Variants in PPARGC1A observed in about 807,000 individuals in gnomAD.
PPARGC1A encodes PPARG coactivator 1 alpha.
PPARGC1A carries 25 observed loss-of-function variants against 88.7 expected under a neutral mutation model. The ratio of observed to expected loss-of-function variants is 0.28; its 90% CI spans 0.21 to 0.39. PPARGC1A has a LOEUF of 0.39. Ranked by LOEUF, PPARGC1A falls within the 10% of genes least tolerant of loss-of-function variation. The pLI is 1.00. For missense variants in PPARGC1A, 880 were observed against 968.7 expected, an observed-to-expected ratio of 0.91 and a Z score of 1.22; for synonymous variants, 363 against 355.6, an observed-to-expected ratio of 1.02 and a Z score of -0.24.
chr4:24,136,314 T>C, the PPARGC1A span, among the ~76,000 whole-genome samples: 428 of 152,348 alleles, frequency 2.8e-3, 2 homozygotes, highest in African/African-American at 9.8e-3. Flanking sequence ...AATAATCTGT[T>C]AAATTCTACA....
the PPARGC1A span, among the ~76,000 whole-genome samples, chr4:24,128,531 A>AGT: frequency 0.055 from 7,565 of 138,124 alleles, 215 homozygotes; most frequent in East Asian, 0.075. Context: ...AGCCTGTCAC[A>AGT]GTGTGTGTGT....
the PPARGC1A span, among the ~76,000 whole-genome samples, chr4:23,913,648 G>C: frequency 6.6e-6 from 1 of 152,120 alleles, no homozygotes; most frequent in Non-Finnish European, 1.5e-5. Flanking sequence ...ACAATGTCTT[G>C]TTCACAATTA....
rs540789056 is a variant in PPARGC1A, at chr4:23,799,343, T to C, written c.2293+2387A>G. Among the ~76,000 whole-genome samples the C allele has an allele frequency of 6.6e-5, 10 of 152,348 alleles. 1 individual carries two copies. The South Asian group carries it at 2.1e-3, about 32-fold the overall frequency. On this transcript the variant is annotated intron_variant, in intron 12 of 12. Transcript: ENST00000264867. ...AATTATAACCATAGCCACTATTTAT[T>C]GAGCACCTATGTTATGCCAGACACG... is the stretch of plus-strand genomic sequence containing the variant.
At chr4:24,161,925 TGCCCA>T in the PPARGC1A span, among the ~76,000 whole-genome samples, 400 of 147,382 alleles carry the variant, frequency 2.7e-3, 2 homozygotes, top group African/African-American at 9.5e-3. Context: ...CCAGCCCAAA[TGCCCA>T]TCTCAATGAG....
the PPARGC1A span, among the ~76,000 whole-genome samples, chr4:24,374,828 G>T: frequency 1.3e-5 from 2 of 152,068 alleles, no homozygotes; most frequent in Admixed American, 1.3e-4. Flanking sequence ...TTGAGGAATT[G>T]CCAGACTATT....
At chr4:24,184,546 T>C in the PPARGC1A span, among the ~76,000 whole-genome samples, 1 of 152,302 alleles carries the variant, frequency 6.6e-6, no homozygotes, top group East Asian at 1.9e-4. Flanking sequence ...CAGGACCTAG[T>C]TGAAGGCTGC....
the PPARGC1A span, among the ~76,000 whole-genome samples, chr4:24,381,063 T>A: frequency 6.6e-6 from 1 of 150,478 alleles, no homozygotes; most frequent in African/African-American, 2.4e-5. Context: ...TTGGGAGACA[T>A]CAACATTTGG....
chr4:24,328,827 CA>C, the PPARGC1A span, among the ~76,000 whole-genome samples: 2 of 152,130 alleles, frequency 1.3e-5, no homozygotes, highest in African/African-American at 4.8e-5. Flanking sequence ...TGGCTGCATG[CA>C]CTGCTTGGCC....
chr4:24,381,320 G>C, the PPARGC1A span, among the ~76,000 whole-genome samples: 1 of 152,202 alleles, frequency 6.6e-6, no homozygotes, highest in African/African-American at 2.4e-5. Context: ...GATTTAAGGA[G>C]AGTGTGGCAA....
chr4:23,960,819 C>T, the PPARGC1A span, among the ~76,000 whole-genome samples: 6 of 152,064 alleles, frequency 3.9e-5, no homozygotes, highest in African/African-American at 1.2e-4. Context: ...AATAATTAAG[C>T]ATTACTAACA....
At chr4:24,460,244 T>C in the PPARGC1A span, among the ~76,000 whole-genome samples, 1 of 152,256 alleles carries the variant, frequency 6.6e-6, no homozygotes, top group African/African-American at 2.4e-5. Flanking sequence ...GTGAATCTAA[T>C]GTATATTTAT....
the PPARGC1A span, among the ~76,000 whole-genome samples, chr4:24,388,575 G>A: frequency 1.3e-5 from 2 of 152,114 alleles, no homozygotes; most frequent in African/African-American, 4.8e-5. Context: ...CAACCCAAAT[G>A]CCCATCATTG....
At chr4:23,800,632 G>T (rs1015097237) in intron 12 of PPARGC1A, among the ~76,000 whole-genome samples, 21 of 151,036 alleles carry the variant, frequency 1.4e-4, no homozygotes, top group African/African-American at 4.8e-4. Context: ...AAATTCAACT[G>T]TAAGAAATTA....
the PPARGC1A span, among the ~76,000 whole-genome samples, chr4:24,048,493 G>C: frequency 6.6e-6 from 1 of 152,066 alleles, no homozygotes; most frequent in Admixed American, 6.5e-5. Flanking sequence ...AGTAAACACA[G>C]TTTATGGCCC....
chr4:24,294,471 A>G, the PPARGC1A span, among the ~76,000 whole-genome samples: 1 of 152,186 alleles, frequency 6.6e-6, no homozygotes, highest in Non-Finnish European at 1.5e-5. Flanking sequence ...ACTACAAATT[A>G]TCCTTTTTCT....
the PPARGC1A span, among the ~76,000 whole-genome samples, chr4:24,196,209 GCTAA>G: frequency 6.6e-6 from 1 of 152,178 alleles, no homozygotes; most frequent in Admixed American, 6.5e-5. Context: ...ATTCTACAAT[GCTAA>G]CTGAGTCATA....
At chr4:23,816,896 T>C (rs1055074389) in intron 7 of PPARGC1A, among the ~76,000 whole-genome samples, 1 of 152,194 alleles carries the variant, frequency 6.6e-6, no homozygotes, top group African/African-American at 2.4e-5. Flanking sequence ...TGGGCACATT[T>C]GTTGCATTAT....
chr4:24,066,861 T>TG, the PPARGC1A span, among the ~76,000 whole-genome samples: 11 of 147,774 alleles, frequency 7.4e-5, no homozygotes, highest in East Asian at 9.8e-4. Flanking sequence ...TTTTTTTTTT[T>TG]TTTTTTTTTT....
At chr4:23,827,133 G>T (rs1462825270) in intron 5 of PPARGC1A, among the ~76,000 whole-genome samples, 1 of 152,174 alleles carries the variant, frequency 6.6e-6, no homozygotes, top group Non-Finnish European at 1.5e-5. Context: ...TGAGAATGCG[G>T]TCCATTTCAC....
Sources: allele counts gnomAD v4.1 joint callset (sites outside exome capture counted in the v4.1 genomes callset), GRCh38; gene constraint gnomAD v4.1.1; transcripts MANE v1.5; gene names NCBI Gene and HGNC (gene_info 2026-07-23, HGNC 2026-07-21).